RBFOX1: variants seen among roughly 807,000 people sequenced by gnomAD.
RBFOX1 encodes the protein RNA binding protein fox-1 homolog 1.
In RBFOX1, 8 loss-of-function variants were observed where a neutral mutation model predicts 57.7. That is an observed-to-expected ratio of 0.14 (90% CI 0.08 to 0.25). The LOEUF is 0.25. Ranked by LOEUF, RBFOX1 falls within the 10% of genes least tolerant of loss-of-function variation. The probability of loss-of-function intolerance (pLI) is 1.00; values close to 1 mark genes in which losing one functional copy is unlikely to be tolerated. For synonymous variants in RBFOX1, 326 were observed against 222.4 expected (o/e 1.47, Z -4.15); for missense variants, 611 against 548.5 (o/e 1.11, Z -1.14).
chr16:6,189,971 C>A (rs947810876), intron 1 of RBFOX1, among the ~76,000 whole-genome samples: 10 of 152,038 alleles, frequency 6.6e-5, no homozygotes, highest in Non-Finnish European at 1.2e-4. Context: ...CCAATGTTTT[C>A]TTGTAGTAGT....
intron 1 of RBFOX1, among the ~76,000 whole-genome samples, chr16:5,316,459 C>A (rs1362519908): frequency 6.6e-6 from 1 of 152,152 alleles, no homozygotes; most frequent in East Asian, 1.9e-4. Context: ...AGGCCAGAGG[C>A]TTCTGAATAC....
intron 1 of RBFOX1, among the ~76,000 whole-genome samples, chr16:5,351,352 A>G (rs918468764): frequency 2.6e-5 from 4 of 152,130 alleles, no homozygotes; most frequent in Non-Finnish European, 5.9e-5. Context: ...CATTCACTGT[A>G]CCCCCTTTAG....
Position 6,991,161 on chromosome 16 carries a change from A to AAAAAAAAAAAAAAC in RBFOX1, c.-15-60895_-15-60894insAAAAAAAAAAAACA, listed in dbSNP as rs1271872183. Among the ~76,000 whole-genome samples, 16 of 139,996 alleles carry AAAAAAAAAAAAAAC rather than the reference A, an allele frequency of 1.1e-4. 1 individual carries two copies. Among genetic ancestry groups the AAAAAAAAAAAAAAC allele is most frequent in the South Asian group, 7.7e-4 (3 of 3,896 alleles). The allele number at this position is 139,996 out of a possible 152,430, so 91.8% of individuals were successfully genotyped here. ...CAAAAAAAAAAAAAAAAAAAAAAAA[A>AAAAAAAAAAAAAAC]AGACACGGTGGCGTGTACCTTTAGT... On this transcript the variant is annotated intron_variant, in intron 3 of 15. Coordinates refer to ENST00000550418, the MANE Select transcript of RBFOX1 (RefSeq NM_018723.4).
At chr16:6,486,505 C>G (rs971044035) in intron 2 of RBFOX1, among the ~76,000 whole-genome samples, 1 of 152,024 alleles carries the variant, frequency 6.6e-6, no homozygotes, top group African/African-American at 2.4e-5. Context: ...GTGTCTTAGT[C>G]TCAAAGTTAT....
rs538983786 is a variant in RBFOX1 at position 5,607,710 on chromosome 16, C to T, written c.318+8749C>T. ...TCCCTCATACTTCTCTCTGTCGACA[C>T]TACCTGCCCCAATCTGAGGTCACTG... On this transcript the variant is annotated intron_variant, in intron 3 of 19. Transcript: ENST00000641259. Among the ~76,000 whole-genome samples, 4 of 152,318 alleles carry T rather than the reference C, an allele frequency of 2.6e-5. No homozygotes were observed. The East Asian group carries it at 7.7e-4, about 29-fold the overall frequency.
intron 1 of RBFOX1, among the ~76,000 whole-genome samples, chr16:6,145,024 C>G (rs1284548338): frequency 1.3e-5 from 2 of 151,968 alleles, no homozygotes; most frequent in Admixed American, 1.3e-4. Context: ...TTTTTTTAAT[C>G]ATAGTATCTC....
intron 4 of RBFOX1, among the ~76,000 whole-genome samples, chr16:7,187,657 C>G (rs965922024): frequency 8.1e-6 from 1 of 122,812 alleles, no homozygotes; most frequent in Non-Finnish European, 1.6e-5. Flanking sequence ...CCACTGCAGT[C>G]CAGCCTGGGC....
chr16:5,494,615 C>T (rs1021799345), intron 2 of RBFOX1, among the ~76,000 whole-genome samples: 1 of 152,142 alleles, frequency 6.6e-6, no homozygotes, highest in Non-Finnish European at 1.5e-5. Flanking sequence ...GGCAGGTGTT[C>T]CTGGAGCCTG....
chr16:7,542,137 T>C (rs1399802002), intron 5 of RBFOX1, among the ~76,000 whole-genome samples: 2 of 152,192 alleles, frequency 1.3e-5, no homozygotes, highest in East Asian at 3.9e-4. Context: ...CAACAAGGGC[T>C]GGAGCACAGA....
At chr16:6,101,747 C>T (rs1413160405) in intron 1 of RBFOX1, among the ~76,000 whole-genome samples, 1 of 152,164 alleles carries the variant, frequency 6.6e-6, no homozygotes, top group Non-Finnish European at 1.5e-5. Context: ...CGTGGTGAAA[C>T]CTGTCTGTAC....
chr16:5,814,509 C>T (rs995139398), intron 3 of RBFOX1, among the ~76,000 whole-genome samples: 1 of 152,192 alleles, frequency 6.6e-6, no homozygotes, highest in African/African-American at 2.4e-5. Flanking sequence ...TCCATCAATG[C>T]CCAATTCACA....
intron 4 of RBFOX1, among the ~76,000 whole-genome samples, chr16:7,464,520 C>G (rs1361304747): frequency 6.6e-6 from 1 of 151,986 alleles, no homozygotes; most frequent in African/African-American, 2.4e-5. Flanking sequence ...GACCTCTTTT[C>G]TAGTAATTTC....
intron 4 of RBFOX1, among the ~76,000 whole-genome samples, chr16:7,320,299 G>T (rs544045093): frequency 6.6e-6 from 1 of 151,914 alleles, no homozygotes; most frequent in African/African-American, 2.4e-5. Flanking sequence ...TCATTGTTCA[G>T]CTCCCACTTG....
At chr16:7,014,324 C>G (rs1456574263) in intron 3 of RBFOX1, among the ~76,000 whole-genome samples, 1 of 151,994 alleles carries the variant, frequency 6.6e-6, no homozygotes, top group Non-Finnish European at 1.5e-5. Flanking sequence ...GCAATCCTCC[C>G]ACGTCAGCCT....
intron 4 of RBFOX1, among the ~76,000 whole-genome samples, chr16:7,294,591 G>A (rs931003027): frequency 2.0e-5 from 3 of 152,022 alleles, no homozygotes; most frequent in African/African-American, 7.2e-5. Context: ...CTGTGGATAG[G>A]GTGGGACTTA....
intron 11 of RBFOX1, among the ~76,000 whole-genome samples, chr16:7,652,411 T>G (rs945612359): frequency 5.9e-5 from 9 of 152,172 alleles, no homozygotes; most frequent in Admixed American, 5.2e-4. Flanking sequence ...CCCGCCCACA[T>G]TCTTCTTCTT....
intron 4 of RBFOX1, among the ~76,000 whole-genome samples, chr16:7,419,988 T>C (rs1448705922): frequency 6.7e-6 from 1 of 150,294 alleles, no homozygotes; most frequent in Non-Finnish European, 1.5e-5. Context: ...AGAACCCAGT[T>C]TGGGCAGAAA....
intron 1 of RBFOX1, among the ~76,000 whole-genome samples, chr16:6,153,033 G>GTTTTTTTTTTTTTT (rs59957159): frequency 3.1e-5 from 4 of 128,120 alleles, no homozygotes; most frequent in African/African-American, 8.5e-5. Context: ...GTTATTTTCT[G>GTTTTTTTTTTTTTT]TTTTTTTTTT....
At chr16:6,463,725 C>T (rs980066560) in intron 2 of RBFOX1, among the ~76,000 whole-genome samples, 6 of 152,342 alleles carry the variant, frequency 3.9e-5, no homozygotes, top group Non-Finnish European at 8.8e-5. Context: ...CGCCATTATA[C>T]AGCAGAAAGA....
Sources: gnomAD v4.1 joint callset for allele counts (sites outside exome capture counted in the v4.1 genomes callset) on GRCh38, gnomAD v4.1.1 for gene constraint, MANE v1.5 for transcripts, NCBI Gene and HGNC (gene_info 2026-07-23, HGNC 2026-07-21) for gene names.